The following TMEM131L variants were observed in gnomAD, a reference collection of about 807,000 sequenced individuals.
TMEM131L encodes transmembrane 131 like, also known as transmembrane protein 131-like.
A neutral mutation model predicts 192.2 loss-of-function variants in TMEM131L; 54 were observed. That is an observed-to-expected ratio of 0.28 (90% CI 0.23 to 0.35). The LOEUF is 0.35. Among genes scored for constraint, TMEM131L ranks in the 10% least tolerant of loss-of-function variants. TMEM131L has a pLI of 1.00. For synonymous variants in TMEM131L, 701 were observed against 704.9 expected (o/e 0.99, Z 0.09); for missense variants, 1,888 against 1,972.9 (o/e 0.96, Z 0.82).
At chr4:153,568,032 G>A (rs182164827) in intron 7 of TMEM131L, among the ~76,000 whole-genome samples, 173 of 152,268 alleles carry the variant, frequency 1.1e-3, no homozygotes, top group African/African-American at 3.9e-3. Flanking sequence ...ATGATTATAT[G>A]TTAAGGGGAA....
intron 3 of TMEM131L, among the ~76,000 whole-genome samples, chr4:153,523,091 T>C (rs1395451270): frequency 6.6e-6 from 1 of 152,246 alleles, no homozygotes; most frequent in Non-Finnish European, 1.5e-5. Flanking sequence ...TGTTTCTTAG[T>C]TCTTAAAAAA....
At chr4:153,500,890 CT>C (rs1028853295) in intron 3 of TMEM131L, among the ~76,000 whole-genome samples, 1 of 152,116 alleles carries the variant, frequency 6.6e-6, no homozygotes. Flanking sequence ...TTAGTCTCCT[CT>C]TTCTCCAGAG....
In TMEM131L at chr4:153,580,922, T is replaced by G; in HGVS notation, c.738+19T>G. The G allele has an allele frequency of 6.6e-7, 1 of 1,516,172 alleles. No homozygotes were observed. Among genetic ancestry groups the G allele is most frequent in the Non-Finnish European group, 9.2e-7 (1 of 1,092,602 alleles). 93.9% of individuals were successfully genotyped at this position (1,516,172 alleles called of 1,614,324 possible). A position where few individuals can be genotyped will look rare whatever the true frequency, so the allele number is the denominator to read the frequency against. ...ATTAAAGGTAAAATAAAATGTGTAG[T>G]GTTTTCTCTCTGCTTTCCTCCTGCC... On this transcript the variant is annotated intron_variant, in intron 8 of 34. Transcript: ENST00000409959.
chr4:153,596,228 T>G (rs1377648016), intron 19 of TMEM131L, 30 bp from the exon 20 acceptor site: 1 of 1,611,528 alleles, frequency 6.2e-7, no homozygotes, highest in South Asian at 1.1e-5. Flanking sequence ...TTTCTAGGAG[T>G]ATGACATGGT....
chr4:153,578,529 T>G (rs1578786763), intron 7 of TMEM131L, among the ~76,000 whole-genome samples: 1 of 150,118 alleles, frequency 6.7e-6, no homozygotes, highest in African/African-American at 2.5e-5. Context: ...CTAGTTTTTT[T>G]TTTTTTTTTT....
chr4:153,579,190 G>A (rs937647151), intron 7 of TMEM131L, among the ~76,000 whole-genome samples: 1 of 151,600 alleles, frequency 6.6e-6, no homozygotes, highest in African/African-American at 2.4e-5. Flanking sequence ...GTGAAGCTCC[G>A]TCTCTATAAA....
chr4:153,530,122 C>T (rs1375150139), intron 3 of TMEM131L, among the ~76,000 whole-genome samples: 4 of 151,492 alleles, frequency 2.6e-5, no homozygotes, highest in Non-Finnish European at 4.4e-5. Context: ...TATCCATTCA[C>T]TACACCTAAT....
intron 25 of TMEM131L, among the ~76,000 whole-genome samples, chr4:153,605,063 A>G (rs543371905): frequency 6.6e-6 from 1 of 152,264 alleles, no homozygotes; most frequent in South Asian, 2.1e-4. Flanking sequence ...AGCCCATGAA[A>G]TGTTTCTGAC....
At chr4:153,575,855 TCAGTTGGGGA>T (rs1484877585) in intron 7 of TMEM131L, among the ~76,000 whole-genome samples, 3 of 152,220 alleles carry the variant, frequency 2.0e-5, no homozygotes, top group Non-Finnish European at 4.4e-5. Context: ...CACAGTGTGC[TCAGTTGGGGA>T]CAGTTGGGGA....
chr4:153,512,504 A>G (rs1734423406), intron 3 of TMEM131L, among the ~76,000 whole-genome samples: 1 of 152,226 alleles, frequency 6.6e-6, no homozygotes, highest in South Asian at 2.1e-4. Context: ...AATACTTGCC[A>G]AACTTTAATA....
At chr4:153,632,124 T>C (rs6535933) in intron 31 of TMEM131L, among the ~76,000 whole-genome samples, 76,243 of 152,064 alleles carry the variant, frequency 0.5, 22,132 homozygotes, top group African/African-American at 0.81. Context: ...AGCAGCCTGG[T>C]CAACATGGTG....
chr4:153,525,037 G>C (rs1735375088), intron 3 of TMEM131L, among the ~76,000 whole-genome samples: 1 of 152,168 alleles, frequency 6.6e-6, no homozygotes, highest in African/African-American at 2.4e-5. Context: ...GGACCACACT[G>C]CTGTTTGGCT....
chr4:153,539,645 T>C (rs571224775), intron 3 of TMEM131L, among the ~76,000 whole-genome samples: 1 of 152,118 alleles, frequency 6.6e-6, no homozygotes, highest in East Asian at 1.9e-4. Context: ...TAACAGCTGC[T>C]GTGAAGCAGG....
intron 29 of TMEM131L, among the ~76,000 whole-genome samples, chr4:153,624,386 C>T (rs756133921): frequency 3.3e-5 from 5 of 152,122 alleles, no homozygotes; most frequent in Middle Eastern, 3.2e-3. Flanking sequence ...CCCAAAGTGC[C>T]GGGATTACAG....
At chr4:153,627,836 C>T (rs538340185) in intron 31 of TMEM131L, 149 bp downstream of exon 31, 2 of 633,706 alleles carry the variant, frequency 3.2e-6, no homozygotes, top group African/African-American at 3.7e-5. Flanking sequence ...GTTCATACAT[C>T]AGGAAGGCAC....
rs761628964 is a variant in TMEM131L at position 153,581,385 on chromosome 4, TTCC to T, written c.739-14_739-12del. The T allele has an allele frequency of 9.3e-6, 14 of 1,499,492 alleles. No individual in the cohort carries two copies. The highest frequency in any genetic ancestry group is 1.2e-5 in the Non-Finnish European group (13 of 1,121,386). 92.9% of individuals were successfully genotyped at this position (1,499,492 alleles called of 1,614,324 possible). ...TTGAGATGATTTTTTTTTTCCTTTT[TTCC>T]TCCTCCTTCCAACCATAGGGTTGTT... On this transcript the variant is annotated intron_variant, in intron 8 of 34. Coordinates refer to ENST00000409959, the MANE Select transcript of TMEM131L (RefSeq NM_001131007.2).
intron 3 of TMEM131L, among the ~76,000 whole-genome samples, chr4:153,530,607 G>A (rs1735823805): frequency 6.6e-6 from 1 of 152,138 alleles, no homozygotes; most frequent in African/African-American, 2.4e-5. Context: ...ACCTTTAAAA[G>A]GTATTCATTG....
At chr4:153,545,596 T>G (rs1737114697) in intron 3 of TMEM131L, among the ~76,000 whole-genome samples, 1 of 152,116 alleles carries the variant, frequency 6.6e-6, no homozygotes, top group Non-Finnish European at 1.5e-5. Context: ...CCAAACTGTT[T>G]CTTTGTTGTA....
intron 3 of TMEM131L, among the ~76,000 whole-genome samples, chr4:153,516,862 G>A (rs1190462832): frequency 1.3e-5 from 2 of 151,882 alleles, no homozygotes; most frequent in East Asian, 1.9e-4. Flanking sequence ...GTCTTGCTCC[G>A]TCACTTAGGC....
Sources: gnomAD v4.1 joint callset for allele counts (sites outside exome capture counted in the v4.1 genomes callset) on GRCh38, gnomAD v4.1.1 for gene constraint, MANE v1.5 for transcripts, NCBI Gene and HGNC (gene_info 2026-07-23, HGNC 2026-07-21) for gene names.